FCHSD2: variants seen among roughly 807,000 people sequenced by gnomAD.
FCHSD2 encodes the protein F-BAR and double SH3 domains protein 2.
A neutral mutation model predicts 108.1 loss-of-function variants in FCHSD2; 38 were observed. That is an observed-to-expected ratio of 0.35 (90% confidence interval 0.27 to 0.46). The LOEUF is 0.46. Among genes scored for constraint, FCHSD2 ranks in the 20% least tolerant of loss-of-function variants. The pLI is 1.00. For synonymous variants in FCHSD2, 279 were observed against 314.7 expected (o/e 0.89, Z 1.20); for missense variants, 751 against 897.8 (o/e 0.84, Z 2.09).
chr11:73,025,443 A>C (rs1858205048), intron 3 of FCHSD2, among the ~76,000 whole-genome samples: 1 of 152,146 alleles, frequency 6.6e-6, no homozygotes, highest in South Asian at 2.1e-4. Flanking sequence ...AAATGATGAG[A>C]ACACATGCAC....
At position 73,127,772 on chromosome 11, in the gene FCHSD2, A is replaced by G. The variant is rs147729004; in HGVS notation, c.119+12259T>C. Among the ~76,000 whole-genome samples, 273 of 151,986 alleles carry G rather than the reference A, an allele frequency of 1.8e-3. 2 individuals are homozygous for G. The East Asian group carries it at 0.031, about 17-fold the overall frequency. On this transcript the variant is annotated intron_variant, in intron 2 of 19. Transcript: ENST00000409418. ...CTCCTTTAAATTTAGGCACTTCACT[A>G]ATGCCTTCACCTGAGAAGTAAAAAG...
chr11:73,075,807 A>G (rs1478132065), intron 3 of FCHSD2, among the ~76,000 whole-genome samples: 1 of 151,736 alleles, frequency 6.6e-6, no homozygotes, highest in Admixed American at 6.6e-5. Flanking sequence ...AAAAAAAAAA[A>G]TCAACAAAGA....
chr11:72,883,699 A>C (rs1241253659), intron 12 of FCHSD2, among the ~76,000 whole-genome samples: 1 of 152,194 alleles, frequency 6.6e-6, no homozygotes, highest in Admixed American at 6.5e-5. Flanking sequence ...TGGGCGGCCA[A>C]GGCAGGCAGA....
intron 9 of FCHSD2, among the ~76,000 whole-genome samples, chr11:72,905,389 A>G (rs969098676): frequency 1.3e-5 from 2 of 152,148 alleles, no homozygotes; most frequent in Non-Finnish European, 2.9e-5. Context: ...TGGGGTATCC[A>G]CCACCTCAAG....
chr11:73,074,557 C>T (rs1193141547), intron 3 of FCHSD2, among the ~76,000 whole-genome samples: 1 of 151,976 alleles, frequency 6.6e-6, no homozygotes, highest in Non-Finnish European at 1.5e-5. Flanking sequence ...TAGCAATATA[C>T]CCTTAAGTAG....
intron 12 of FCHSD2, among the ~76,000 whole-genome samples, chr11:72,883,653 C>T (rs938648107): frequency 1.4e-4 from 21 of 152,266 alleles, no homozygotes; most frequent in African/African-American, 5.1e-4. Context: ...ACTGACAAGT[C>T]GGAGGCAGTG....
At chr11:72,872,066 A>T (rs988390677) in intron 12 of FCHSD2, among the ~76,000 whole-genome samples, 2 of 152,096 alleles carry the variant, frequency 1.3e-5, no homozygotes, top group Admixed American at 1.3e-4. Context: ...CATAAAATTT[A>T]CTATCTGCAC....
intron 3 of FCHSD2, among the ~76,000 whole-genome samples, chr11:73,030,399 T>TA: frequency 1.3e-5 from 2 of 152,260 alleles, no homozygotes; most frequent in South Asian, 4.2e-4. Context: ...CAACTGAATA[T>TA]ACAAAACTCA....
chr11:72,920,198 G>A (rs1427056289), intron 9 of FCHSD2, among the ~76,000 whole-genome samples: 1 of 152,142 alleles, frequency 6.6e-6, no homozygotes, highest in Non-Finnish European at 1.5e-5. Flanking sequence ...CTGGTTCTTG[G>A]CAAAGATTAA....
chr11:72,915,161 TC>T (rs1374226643), intron 9 of FCHSD2, among the ~76,000 whole-genome samples: 2 of 151,700 alleles, frequency 1.3e-5, no homozygotes, highest in African/African-American at 4.8e-5. Context: ...ACATCACTGA[TC>T]ATTACAGAAA....
At chr11:73,003,433 T>C (rs981928939) in intron 4 of FCHSD2, among the ~76,000 whole-genome samples, 3 of 151,940 alleles carry the variant, frequency 2.0e-5, no homozygotes, top group Admixed American at 6.6e-5. Flanking sequence ...GTACTCCCAA[T>C]GGTAGTGGTG....
At chr11:72,965,809 CA>C (rs1351729501) in intron 8 of FCHSD2, among the ~76,000 whole-genome samples, 1 of 152,180 alleles carries the variant, frequency 6.6e-6, no homozygotes, top group Non-Finnish European at 1.5e-5. Flanking sequence ...CACAGTATGT[CA>C]TCTCTTGTGA....
chr11:72,975,013 A>T (rs576427059), intron 8 of FCHSD2, among the ~76,000 whole-genome samples: 1 of 152,336 alleles, frequency 6.6e-6, no homozygotes, highest in Non-Finnish European at 1.5e-5. Context: ...ATACGCCTAC[A>T]TATGAATGAG....
chr11:72,901,865 GTTT>G (rs200661196), intron 10 of FCHSD2, among the ~76,000 whole-genome samples: 1 of 147,766 alleles, frequency 6.8e-6, no homozygotes, highest in African/African-American at 2.5e-5. Flanking sequence ...TTCTATTCTG[GTTT>G]TTTTTTTGTT....
At chr11:72,885,628 C>T (rs1004773955) in intron 12 of FCHSD2, among the ~76,000 whole-genome samples, 4 of 152,088 alleles carry the variant, frequency 2.6e-5, no homozygotes, top group African/African-American at 9.7e-5. Context: ...TGAAATACCC[C>T]TCAGAAAACC....
chr11:73,019,762 T>C (rs1452350951), intron 3 of FCHSD2, among the ~76,000 whole-genome samples: 1 of 152,218 alleles, frequency 6.6e-6, no homozygotes, highest in Non-Finnish European at 1.5e-5. Flanking sequence ...TGCACATTTC[T>C]GAAAGCATTC....
intron 9 of FCHSD2, among the ~76,000 whole-genome samples, chr11:72,909,575 C>A (rs1224210241): frequency 6.6e-6 from 1 of 150,648 alleles, no homozygotes; most frequent in Non-Finnish European, 1.5e-5. Context: ...GCTGCCACCC[C>A]GTCTAGGAAG....
intron 13 of FCHSD2, among the ~76,000 whole-genome samples, chr11:72,854,843 A>C (rs930729425): frequency 6.6e-6 from 1 of 152,228 alleles, no homozygotes; most frequent in African/African-American, 2.4e-5. Flanking sequence ...AGATGAAAAG[A>C]ATACTAGAAA....
intron 3 of FCHSD2, among the ~76,000 whole-genome samples, chr11:73,025,631 CT>C (rs1858210034): frequency 6.6e-6 from 1 of 151,980 alleles, no homozygotes; most frequent in Non-Finnish European, 1.5e-5. Context: ...ACTTGTACCC[CT>C]GAACTTAAAA....
Sources: gnomAD v4.1 joint callset for allele counts (sites outside exome capture counted in the v4.1 genomes callset) on GRCh38, gnomAD v4.1.1 for gene constraint, MANE v1.5 for transcripts, NCBI Gene and HGNC (gene_info 2026-07-23, HGNC 2026-07-21) for gene names.